Variants in ZBTB44 observed in about 807,000 individuals in gnomAD.
The protein encoded by ZBTB44 is zinc finger and BTB domain containing 44, also known as zinc finger and BTB domain-containing protein 44.
A neutral mutation model predicts 54.0 loss-of-function variants in ZBTB44; 15 were observed. The observed-to-expected ratio is 0.28, with a 90% CI of 0.19 to 0.43. The LOEUF (loss-of-function observed/expected upper bound fraction) is 0.43, where lower values mean the gene tolerates loss of function less well. Ranked by LOEUF, ZBTB44 falls within the 20% of genes least tolerant of loss-of-function variation. ZBTB44 has a pLI of 1.00. For synonymous variants in ZBTB44, 230 were observed against 250.1 expected, an observed-to-expected ratio of 0.92 and a Z score of 0.76; for missense variants, 487 against 707.1, an observed-to-expected ratio of 0.69 and a Z score of 3.53.
chr11:130,306,636 T>C (rs925117968), intron 1 of ZBTB44, among the ~76,000 whole-genome samples: 40 of 152,184 alleles, frequency 2.6e-4, no homozygotes, highest in African/African-American at 8.2e-4. Context: ...CAATTCACAA[T>C]TGCAAAAATA....
rs1437154548 is a variant in ZBTB44 at position 130,229,010 on chromosome 11, A to C, written c.*2754T>G. 1 of 152,244 alleles carries C rather than the reference A, an allele frequency of 6.6e-6. No homozygotes were observed. Among genetic ancestry groups the C allele is most frequent in the Non-Finnish European group, 1.5e-5 (1 of 67,998 alleles). 9.4% of individuals were successfully genotyped at this position (152,244 alleles called of 1,614,324 possible). On this transcript the variant is annotated 3_prime_UTR_variant, in exon 8 of 8. Transcript: ENST00000357899. ...AGTCCTTACTCTTAAGTTCTCTGTA[A>C]ACTATTATGCACACAGAAACCTTGG...
chr11:130,273,250 G>A (rs1211206407), intron 1 of ZBTB44, among the ~76,000 whole-genome samples: 1 of 149,538 alleles, frequency 6.7e-6, no homozygotes, highest in Non-Finnish European at 1.5e-5. Flanking sequence ...CAGAGTATGA[G>A]TTTTTCTTTG....
At chr11:130,247,059 C>T (rs1465254689) in intron 2 of ZBTB44, among the ~76,000 whole-genome samples, 1 of 152,140 alleles carries the variant, frequency 6.6e-6, no homozygotes, top group Non-Finnish European at 1.5e-5. Context: ...CCTGAGCAAA[C>T]CTCACTTCCT....
At chr11:130,282,499 C>T (rs1940606778) in intron 1 of ZBTB44, among the ~76,000 whole-genome samples, 1 of 152,216 alleles carries the variant, frequency 6.6e-6, no homozygotes, top group East Asian at 1.9e-4. Flanking sequence ...TGAATATAAA[C>T]CACATTTTGT....
At chr11:130,239,965 T>C (rs1040569051) in intron 2 of ZBTB44, 69 bp from the exon 3 acceptor site, 2 of 1,097,506 alleles carry the variant, frequency 1.8e-6, no homozygotes, top group Admixed American at 2.0e-5. Context: ...AACTGAAAGC[T>C]ATATTATATC....
intron 1 of ZBTB44, among the ~76,000 whole-genome samples, chr11:130,294,163 CT>C (rs1240373697): frequency 6.6e-6 from 1 of 152,098 alleles, no homozygotes. Flanking sequence ...AATCCCAGTA[CT>C]TTGTGGGGCC....
At chr11:130,311,498 T>C (rs1031593842) in intron 1 of ZBTB44, among the ~76,000 whole-genome samples, 6 of 152,208 alleles carry the variant, frequency 3.9e-5, no homozygotes, top group Admixed American at 6.5e-5. Context: ...CATGAGCCAC[T>C]GTGCTTGGCC....
intron 2 of ZBTB44, among the ~76,000 whole-genome samples, chr11:130,242,991 T>C (rs979156172): frequency 1.3e-5 from 2 of 152,224 alleles, no homozygotes; most frequent in African/African-American, 4.8e-5. Context: ...TTCTCTTCTG[T>C]TGAGTGCAAT....
At chr11:130,304,650 T>C (rs2134480232) in intron 1 of ZBTB44, among the ~76,000 whole-genome samples, 1 of 152,260 alleles carries the variant, frequency 6.6e-6, no homozygotes, top group South Asian at 2.1e-4. Context: ...TTTCCAGTGC[T>C]CTACATATTC....
At chr11:130,278,410 T>C (rs1940262297) in intron 1 of ZBTB44, among the ~76,000 whole-genome samples, 1 of 152,230 alleles carries the variant, frequency 6.6e-6, no homozygotes, top group Non-Finnish European at 1.5e-5. Flanking sequence ...ACTTTCACTT[T>C]TGTGCTATCA....
intron 5 of ZBTB44, among the ~76,000 whole-genome samples, chr11:130,235,219 A>G (rs946820329): frequency 5.3e-5 from 8 of 152,178 alleles, no homozygotes; most frequent in African/African-American, 1.7e-4. Context: ...CTGCAAAGTA[A>G]TTTAGAATGC....
intron 2 of ZBTB44, among the ~76,000 whole-genome samples, chr11:130,259,722 A>G (rs2136424495): frequency 6.8e-6 from 1 of 147,398 alleles, no homozygotes; most frequent in African/African-American, 2.5e-5. Flanking sequence ...CAAACACCAC[A>G]TGTTCTTACT....
rs549952667 is a variant in ZBTB44, at chr11:130,230,904, T to G, written c.*860A>C. 1 of 152,260 alleles carries G rather than the reference T, an allele frequency of 6.6e-6. No individual in the cohort carries two copies. The highest frequency in any genetic ancestry group is 2.4e-5 in the African/African-American group (1 of 41,578). 9.4% of individuals were successfully genotyped at this position (152,260 alleles called of 1,614,324 possible). A position where few individuals can be genotyped will look rare whatever the true frequency, so the allele number is the denominator to read the frequency against. The stretch of plus-strand genomic sequence containing the variant: ...TACTTCTAAAGTACATCACACCTAT[T>G]TGGTAGTTAAAAAACTGAAAATAAA... On this transcript the variant is annotated 3_prime_UTR_variant, in exon 8 of 8. Coordinates refer to ENST00000357899, the MANE Select transcript of ZBTB44 (RefSeq NM_001301098.2).
intron 7 of ZBTB44, chr11:130,232,361 G>GACTT (rs1427818825): frequency 6.6e-6 from 1 of 152,154 alleles, no homozygotes; most frequent in East Asian, 1.9e-4. Flanking sequence ...ACTGCTCATG[G>GACTT]ACTTACAAAT....
chr11:130,276,043 C>G (rs1042903271), intron 1 of ZBTB44, among the ~76,000 whole-genome samples: 1 of 151,092 alleles, frequency 6.6e-6, no homozygotes, highest in Admixed American at 6.6e-5. Flanking sequence ...CTGGCTAACA[C>G]GGTGAAACCC....
intron 1 of ZBTB44, among the ~76,000 whole-genome samples, chr11:130,264,621 G>C (rs1939119444): frequency 6.6e-6 from 1 of 152,300 alleles, no homozygotes; most frequent in South Asian, 2.1e-4. Context: ...GATATACTTA[G>C]AAGTATGGGA....
chr11:130,227,912 A>C lies in ZBTB44; in HGVS notation c.*3852T>G, dbSNP rs1016122880. 1 of 152,208 alleles carries C rather than the reference A, an allele frequency of 6.6e-6. No individual in the cohort carries two copies. The highest frequency in any genetic ancestry group is 1.5e-5 in the Non-Finnish European group (1 of 68,032). The allele number at this position is 152,208 out of a possible 1,614,324, so 9.4% of individuals were successfully genotyped here. ...AGACACTTCTAAATCCTGGAGATTAAATTTACTCTTAAAAATGGAAATACA... is the reference window on the plus strand; with the variant it reads ...AGACACTTCTAAATCCTGGAGATTACATTTACTCTTAAAAATGGAAATACA... On this transcript the variant is annotated 3_prime_UTR_variant, in exon 8 of 8. Coordinates refer to ENST00000357899, the MANE Select transcript of ZBTB44 (RefSeq NM_001301098.2).
chr11:130,273,912 G>A (rs1206814186), intron 1 of ZBTB44, among the ~76,000 whole-genome samples: 1 of 28,912 alleles, frequency 3.5e-5, no homozygotes, highest in Non-Finnish European at 7.0e-5. Context: ...GCCCAACCCC[G>A]GCCCATCTAT....
chr11:130,288,658 G>A (rs992196529), intron 1 of ZBTB44, among the ~76,000 whole-genome samples: 30 of 152,030 alleles, frequency 2.0e-4, no homozygotes, highest in Admixed American at 4.6e-4. Context: ...AGCACTTTGG[G>A]AGGCCGAGGC....
Sources: allele counts gnomAD v4.1 joint callset (sites outside exome capture counted in the v4.1 genomes callset), GRCh38; gene constraint gnomAD v4.1.1; transcripts MANE v1.5; gene names NCBI Gene and HGNC (gene_info 2026-07-23, HGNC 2026-07-21).